PORCN: variants seen among roughly 807,000 people sequenced by gnomAD.
PORCN encodes the protein porcupine O-acyltransferase.
Under a neutral mutation model 43.0 loss-of-function variants are expected in PORCN, and 1 was observed. That is an observed-to-expected ratio of 0.02 (90% CI 0.01 to 0.11). PORCN has a LOEUF of 0.11. PORCN is among the 10% of genes least tolerant of loss of function. The probability of loss-of-function intolerance (pLI) is 1.00; values close to 1 mark genes in which losing one functional copy is unlikely to be tolerated. For missense variants in PORCN, 240 were observed against 392.1 expected (o/e 0.61, Z 3.28); for synonymous variants, 148 against 166.4 (o/e 0.89, Z 0.85).
Position 48,517,296 on chromosome X carries a change from G to A in PORCN, c.1284+3G>A. 1 of 1,129,113 alleles carries A rather than the reference G, an allele frequency of 8.9e-7. No homozygotes were observed. Among genetic ancestry groups the A allele is most frequent in the Non-Finnish European group, 1.2e-6 (1 of 837,655 alleles). 93.1% of individuals were successfully genotyped at this position (1,129,113 alleles called of 1,213,427 possible). On this transcript the variant is annotated splice_donor_region_variant and intron_variant, in intron 14 of 14. Transcript: ENST00000326194. Reference sequence around the variant, plus strand: ...TGGATGACACCACAGAGGAGCAGGTGAGGTGGGGCCCTGGGCTGTGTGGTT... The same window carrying A: ...TGGATGACACCACAGAGGAGCAGGTAAGGTGGGGCCCTGGGCTGTGTGGTT...
intron 7 of PORCN, among the ~76,000 whole-genome samples, chrX:48,513,195 G>C (rs1338548889): frequency 8.9e-6 from 1 of 112,686 alleles, no homozygotes; most frequent in Non-Finnish European, 1.9e-5. Flanking sequence ...TTGTCTATTG[G>C]CCACTGACCC....
In PORCN at chrX:48,514,610, T is replaced by C; in HGVS notation, c.931T>C (p.Tyr311His). 8.3e-7 allele frequency: 1 copy of C among 1,207,303 alleles called. No individual in the cohort carries two copies. The highest frequency in any genetic ancestry group is 1.1e-6 in the Non-Finnish European group (1 of 891,331). Residue 311 changes from tyrosine to histidine, a missense_variant, in exon 10 of 15, where the codon TAT becomes CAT. Physicochemically the swap from Tyr to His is moderately conservative, Grantham distance 83. Transcript: ENST00000326194. ...VVTSWNLPMS[Y>H]WLNNYVFKNA... The stretch of plus-strand genomic sequence containing the variant: ...CACAAGCTGGAACCTGCCCATGTCT[T>C]ATTGGCTAAATAACTGTGAGTCACC...
At chrX:48,517,669 A>G (rs976126417) in intron 14 of PORCN, among the ~76,000 whole-genome samples, 8 of 111,213 alleles carry the variant, frequency 7.2e-5, no homozygotes, top group African/African-American at 2.3e-4. Context: ...AATATAAAAA[A>G]TTAGCCAGGC....
At chrX:48,516,204 C>A in intron 13 of PORCN, 58 bp downstream of exon 13, 1 of 1,067,339 alleles carries the variant, frequency 9.4e-7, no homozygotes, top group Non-Finnish European at 1.3e-6. Flanking sequence ...AATGTTCCTT[C>A]TATCTCTATC....
At position 48,509,955 on chromosome X, in the gene PORCN, C is replaced by T. The variant is rs782277951; in HGVS notation, c.135C>T (p.Leu45=). The T allele has an allele frequency of 1.2e-5, 14 of 1,187,835 alleles. No homozygotes were observed. The highest frequency in any genetic ancestry group is 2.7e-4 in the Middle Eastern group (1 of 3,687). ...ICLACRLLWR[L]GLPSYLKHAS... ...TCGCCTGCCGCCTCCTCTGGAGGCT[C>T]GGTAAGTGCCTGCCATACCGTGTGC... The change falls in exon 2 of 15, where the codon CTC becomes CTT. Residue 45 remains leucine, a splice_region_variant and synonymous_variant. Transcript: ENST00000326194.
At chrX:48,514,205 C>T (rs1360111199) in intron 8 of PORCN, 35 bp from the exon 9 acceptor site, 5 of 1,211,911 alleles carry the variant, frequency 4.1e-6, no homozygotes, top group East Asian at 3.0e-5. Flanking sequence ...GGGACCTGAA[C>T]GTGATGCCTC....
intron 3 of PORCN, 129 bp from the exon 4 acceptor site, chrX:48,511,763 C>A: frequency 1.5e-6 from 1 of 663,953 alleles, no homozygotes; most frequent in Non-Finnish European, 2.5e-6. Flanking sequence ...GAGAATTTTT[C>A]CACCATGAGA....
chrX:48,515,140 G>A (rs1421593340), intron 10 of PORCN, among the ~76,000 whole-genome samples: 2 of 112,556 alleles, frequency 1.8e-5, no homozygotes, highest in Non-Finnish European at 3.8e-5. Context: ...AGGCGGTGAG[G>A]TCAGGGAAGG....
In PORCN at chrX:48,514,309, G is replaced by A. The variant is rs782175760; in HGVS notation, c.789G>A (p.Glu263=). ...ACTATTTTGTGGGCTTTCTTTCCGA[G>A]GCCACGGCCACGTTGGCGGGGGCTG... The part of the protein sequence containing the change: ...FSNYFVGFLS[E]ATATLAGAGF... Residue 263 remains glutamate, a synonymous_variant, in exon 9 of 15, where the codon GAG becomes GAA. Transcript: ENST00000326194. The A allele has an allele frequency of 3.3e-6, 4 of 1,211,887 alleles. No individual in the cohort carries two copies. The highest frequency in any genetic ancestry group is 5.9e-5 in the East Asian group (2 of 33,856).
At chrX:48,512,988 G>A (rs782219464) in intron 7 of PORCN, 136 bp downstream of exon 7, 31 of 842,371 alleles carry the variant, frequency 3.7e-5, no homozygotes, top group Non-Finnish European at 5.5e-5. Flanking sequence ...GTGGTTGGCT[G>A]GCTGGCTGAC....
rs1224253719 is a variant in PORCN at position 48,514,276 on chromosome X, C to T, written c.756C>T (p.His252=). 9.1e-6 allele frequency: 11 copies of T among 1,210,509 alleles called. No homozygotes were observed. Among genetic ancestry groups the T allele is most frequent in the South Asian group, 1.8e-5 (1 of 56,877 alleles). Residue 252 remains histidine, a synonymous_variant, in exon 9 of 15, where the codon CAC becomes CAT. Transcript: ENST00000326194. ...LRAYESAVSF[H]FSNYFVGFLS... is the part of the protein sequence containing the mutation. ...CCTACGAGAGTGCTGTCTCCTTCCA[C>T]TTCAGCAACTATTTTGTGGGCTTTC...
intron 14 of PORCN, among the ~76,000 whole-genome samples, chrX:48,519,470 C>G (rs1320121099): frequency 1.8e-5 from 2 of 111,810 alleles, no homozygotes; most frequent in Non-Finnish European, 3.8e-5. Flanking sequence ...TATTTTTTCT[C>G]TTATTTGTGG....
At chrX:48,510,491 A>G (rs1337678300) in intron 2 of PORCN, among the ~76,000 whole-genome samples, 1 of 112,156 alleles carries the variant, frequency 8.9e-6, no homozygotes, top group East Asian at 2.8e-4. Flanking sequence ...CCTGTATCTT[A>G]ATGAAAGATT....
intron 14 of PORCN, among the ~76,000 whole-genome samples, chrX:48,519,784 T>G (rs1456017579): frequency 2.7e-5 from 3 of 111,988 alleles, no homozygotes; most frequent in African/African-American, 9.8e-5. Context: ...TCACTTGAGG[T>G]CAGGAGTTCG....
intron 10 of PORCN, 196 bp from the exon 11 acceptor site, chrX:48,515,521 C>T: frequency 2.1e-6 from 1 of 469,163 alleles, no homozygotes; most frequent in Non-Finnish European, 3.8e-6. Flanking sequence ...TTGACATTGA[C>T]TGAACTTGAT....
intron 7 of PORCN, 93 bp downstream of exon 7, chrX:48,512,945 T>C: frequency 9.3e-7 from 1 of 1,079,757 alleles, no homozygotes; most frequent in Middle Eastern, 2.5e-4. Context: ...TCCAAGTGTG[T>C]CTGACCGTCA....
chrX:48,516,443 A>T (rs2061718239), intron 13 of PORCN, among the ~76,000 whole-genome samples: 1 of 112,085 alleles, frequency 8.9e-6, no homozygotes, highest in African/African-American at 3.2e-5. Flanking sequence ...CCTATGGGAC[A>T]AACATTTTAA....
chrX:48,513,412 T>C (rs2061690478), intron 7 of PORCN, among the ~76,000 whole-genome samples: 1 of 112,095 alleles, frequency 8.9e-6, no homozygotes, highest in East Asian at 2.8e-4. Context: ...GATGGCTTGG[T>C]GTTGTCTAGC....
chrX:48,511,046 G>A (rs1429129896), intron 2 of PORCN, among the ~76,000 whole-genome samples: 2 of 111,342 alleles, frequency 1.8e-5, no homozygotes, highest in Non-Finnish European at 3.8e-5. Context: ...TTAAACCCAG[G>A]CCCTGCCACC....
Sources: gnomAD v4.1 joint callset for allele counts (sites outside exome capture counted in the v4.1 genomes callset) on GRCh38, gnomAD v4.1.1 for gene constraint, MANE v1.5 for transcripts, NCBI Gene and HGNC (gene_info 2026-07-23, HGNC 2026-07-21) for gene names.